TMEM131: variants seen among roughly 807,000 people sequenced by gnomAD.
TMEM131 encodes 2610524E03Rik.
In TMEM131, 66 loss-of-function variants were observed where a neutral mutation model predicts 211.6. That is an observed-to-expected ratio of 0.31 (90% confidence interval 0.26 to 0.38). The LOEUF (loss-of-function observed/expected upper bound fraction) is 0.38, where lower values mean the gene tolerates loss of function less well. TMEM131 is among the 10% of genes least tolerant of loss of function. The pLI is 1.00. For synonymous variants in TMEM131, 844 were observed against 841.3 expected (o/e 1.00, Z -0.06); for missense variants, 2,036 against 2,299.3 (o/e 0.89, Z 2.34).
At chr2:97,852,102 G>C (rs889730348) in intron 5 of TMEM131, among the ~76,000 whole-genome samples, 1 of 151,778 alleles carries the variant, frequency 6.6e-6, no homozygotes, top group Non-Finnish European at 1.5e-5. Flanking sequence ...CAGCCTTATT[G>C]CTGATAGGGA....
intron 11 of TMEM131, among the ~76,000 whole-genome samples, chr2:97,826,574 CAGAG>C (rs1436036055): frequency 6.7e-6 from 1 of 149,796 alleles, no homozygotes; most frequent in East Asian, 2.0e-4. Flanking sequence ...GACAGAAAGT[CAGAG>C]AGAGAGAGGA....
chr2:97,939,426 AG>A (rs1418315815), intron 1 of TMEM131, among the ~76,000 whole-genome samples: 2 of 152,262 alleles, frequency 1.3e-5, no homozygotes, highest in Non-Finnish European at 2.9e-5. Flanking sequence ...AAAATCTAGA[AG>A]AAATGGATAA....
At chr2:97,831,517 GGTAGGTACAGAT>G (rs567447903) in intron 11 of TMEM131, among the ~76,000 whole-genome samples, 395 of 152,154 alleles carry the variant, frequency 2.6e-3, no homozygotes, top group African/African-American at 9.0e-3. Context: ...TACACACATA[GGTAGGTACAGAT>G]GTAGGTACAG....
chr2:97,760,266 C>A (rs945697828), intron 38 of TMEM131: 2 of 321,526 alleles, frequency 6.2e-6, no homozygotes, highest in African/African-American at 4.2e-5. Flanking sequence ...AAGTCACTTT[C>A]GCTCTTCTAT....
chr2:97,826,382 C>T (rs952785302), intron 11 of TMEM131, among the ~76,000 whole-genome samples: 1 of 152,174 alleles, frequency 6.6e-6, no homozygotes, highest in Non-Finnish European at 1.5e-5. Flanking sequence ...TTCCTAACCT[C>T]TAGGGGAACC....
In TMEM131 at chr2:97,863,103, C is replaced by A. The variant is rs545364662; in HGVS notation, c.360-3676G>T. Reference sequence around the variant, plus strand: ...GACATACTTAAAGTGCTGAAGGCAACAACAACAAAAAAAACCCCCACACTT... The same window carrying A: ...GACATACTTAAAGTGCTGAAGGCAAAAACAACAAAAAAAACCCCCACACTT... On this transcript the variant is annotated intron_variant, in intron 4 of 40. Transcript: ENST00000186436. Among the ~76,000 whole-genome samples the A allele has an allele frequency of 3.2e-4, 48 of 152,076 alleles. No individual in the cohort carries two copies. The South Asian group carries it at 3.5e-3, about 11-fold the overall frequency.
intron 11 of TMEM131, among the ~76,000 whole-genome samples, chr2:97,831,932 G>T (rs12052222): frequency 0.34 from 49,118 of 143,430 alleles, 8,933 homozygotes; most frequent in Non-Finnish European, 0.39. Flanking sequence ...CTCCCAAAGT[G>T]CTGGGATTAC....
chr2:97,979,541 G>T (rs886510184), intron 1 of TMEM131, among the ~76,000 whole-genome samples: 2 of 152,218 alleles, frequency 1.3e-5, no homozygotes, highest in African/African-American at 4.8e-5. Flanking sequence ...TTTATGTGAT[G>T]AAACTGTCTT....
At chr2:97,965,328 C>T (rs1367394019) in intron 1 of TMEM131, among the ~76,000 whole-genome samples, 1 of 152,212 alleles carries the variant, frequency 6.6e-6, no homozygotes, top group African/African-American at 2.4e-5. Flanking sequence ...ACCCTAAGAA[C>T]AAAGAGCTTG....
At chr2:97,783,144 C>A (rs1261917954) in intron 31 of TMEM131, among the ~76,000 whole-genome samples, 1 of 152,006 alleles carries the variant, frequency 6.6e-6, no homozygotes, top group African/African-American at 2.4e-5. Context: ...TCATTAGAAA[C>A]CACGGAGGCT....
At chr2:97,772,084 C>G (rs558954941) in intron 33 of TMEM131, among the ~76,000 whole-genome samples, 8 of 152,354 alleles carry the variant, frequency 5.3e-5, no homozygotes, top group African/African-American at 1.9e-4. Context: ...CTCTGCATAT[C>G]TGACTTGAGA....
intron 1 of TMEM131, among the ~76,000 whole-genome samples, chr2:97,929,051 T>G (rs1306972267): frequency 6.6e-6 from 1 of 151,750 alleles, no homozygotes; most frequent in Non-Finnish European, 1.5e-5. Flanking sequence ...ACTCAGATCT[T>G]GTGTTCTAAT....
chr2:97,880,563 G>A (rs1299980297), intron 4 of TMEM131, among the ~76,000 whole-genome samples: 7 of 152,150 alleles, frequency 4.6e-5, no homozygotes, highest in African/African-American at 1.4e-4. Flanking sequence ...AGGGGATGGA[G>A]TGCTGTGAGG....
rs1252062470 is a variant in TMEM131 at position 97,995,620 on chromosome 2, C to CGGT, written c.40_42dup (p.Thr14dup). ...GCCCCGGCGGACGTGGAGACGGCGGCGGTGGTGGCTCCGGTTGCTCCTCCT... is the reference window on the plus strand; with the variant it reads ...GCCCCGGCGGACGTGGAGACGGCGGCGGTGGTGGTGGCTCCGGTTGCTCCTCCT... On this transcript the variant is annotated inframe_insertion, in exon 1 of 41. Coordinates refer to ENST00000186436, the MANE Select transcript of TMEM131 (RefSeq NM_015348.2). 128 of 1,236,418 alleles carry CGGT rather than the reference C, an allele frequency of 1.0e-4. No individual in the cohort carries two copies. Among genetic ancestry groups the CGGT allele is most frequent in the Non-Finnish European group, 1.3e-4 (127 of 989,974 alleles). 76.6% of individuals were successfully genotyped at this position (1,236,418 alleles called of 1,614,324 possible). A position where few individuals can be genotyped will look rare whatever the true frequency, so the allele number is the denominator to read the frequency against.
intron 20 of TMEM131, 45 bp downstream of exon 20, chr2:97,805,506 C>T: frequency 6.2e-7 from 1 of 1,612,358 alleles, no homozygotes; most frequent in Non-Finnish European, 8.5e-7. Flanking sequence ...GGTCATAAAA[C>T]AAAATGTTAA....
intron 1 of TMEM131, among the ~76,000 whole-genome samples, chr2:97,972,101 G>T (rs911736426): frequency 6.6e-6 from 1 of 150,926 alleles, no homozygotes; most frequent in Non-Finnish European, 1.5e-5. Context: ...CCAGCTACTC[G>T]GGAGGCTGAG....
At chr2:97,881,141 GC>G (rs1674908529) in intron 4 of TMEM131, among the ~76,000 whole-genome samples, 1 of 152,106 alleles carries the variant, frequency 6.6e-6, no homozygotes, top group Non-Finnish European at 1.5e-5. Context: ...CAGTCCTCCG[GC>G]TAGAACCCCT....
intron 4 of TMEM131, among the ~76,000 whole-genome samples, chr2:97,877,705 T>C (rs1674756519): frequency 6.6e-6 from 1 of 152,008 alleles, no homozygotes; most frequent in South Asian, 2.1e-4. Flanking sequence ...AAAAATAAAC[T>C]CAAGATGGAT....
In TMEM131 at chr2:97,818,463, C is replaced by CGG. The variant is rs1184208506; in HGVS notation, c.1183+148_1183+149dup. 94 of 283,840 alleles carry CGG rather than the reference C, an allele frequency of 3.3e-4. 1 individual carries two copies. The highest frequency in any genetic ancestry group is 8.2e-4 in the East Asian group (20 of 24,246). 17.6% of individuals were successfully genotyped at this position (283,840 alleles called of 1,614,324 possible). Reference sequence around the variant, plus strand: ...AGTAAGAGTTCATGATGGTTTACAGCGGGGGGGGGCGGGGGGGGATCAACC... The same window carrying CGG: ...AGTAAGAGTTCATGATGGTTTACAGCGGGGGGGGGGGCGGGGGGGGATCAACC... On this transcript the variant is annotated intron_variant, in intron 12 of 40. Transcript: ENST00000186436.
Sources: allele counts gnomAD v4.1 joint callset (sites outside exome capture counted in the v4.1 genomes callset), GRCh38; gene constraint gnomAD v4.1.1; transcripts MANE v1.5; gene names NCBI Gene and HGNC (gene_info 2026-07-23, HGNC 2026-07-21).